ST6GALNAC5: variants seen among roughly 807,000 people sequenced by gnomAD.
ST6GALNAC5 encodes ST6 N-acetylgalactosaminide alpha-2,6-sialyltransferase 5, also known as alpha-N-acetylgalactosaminide alpha-2,6-sialyltransferase 5.
ST6GALNAC5 carries 27 observed loss-of-function variants against 33.6 expected under a neutral mutation model. The ratio of observed to expected loss-of-function variants is 0.80; its 90% confidence interval spans 0.59 to 1.11. ST6GALNAC5 has a LOEUF of 1.11. ST6GALNAC5 is among the 50% of genes least tolerant of loss of function. The pLI is 0.00. For missense variants in ST6GALNAC5, 428 were observed against 454.0 expected (o/e 0.94, Z 0.52); for synonymous variants, 194 against 171.2 (o/e 1.13, Z -1.04).
intron 2 of ST6GALNAC5, among the ~76,000 whole-genome samples, chr1:76,910,839 T>A (rs1218814815): frequency 6.6e-6 from 1 of 151,784 alleles, no homozygotes; most frequent in Non-Finnish European, 1.5e-5. Context: ...CTCCTCTGAC[T>A]ATACATTAGG....
chr1:77,002,474 T>C (rs1303385788), intron 2 of ST6GALNAC5, among the ~76,000 whole-genome samples: 2 of 152,148 alleles, frequency 1.3e-5, no homozygotes, highest in African/African-American at 4.8e-5. Context: ...GAACGGTTTT[T>C]TGTGTCTCTA....
chr1:77,030,402 C>T (rs1651408304), intron 2 of ST6GALNAC5, among the ~76,000 whole-genome samples: 1 of 152,182 alleles, frequency 6.6e-6, no homozygotes, highest in African/African-American at 2.4e-5. Flanking sequence ...ATCTCACAGG[C>T]TTACATTGGG....
intron 2 of ST6GALNAC5, among the ~76,000 whole-genome samples, chr1:76,968,029 G>A (rs557007978): frequency 5.3e-5 from 8 of 152,276 alleles, no homozygotes; most frequent in African/African-American, 1.2e-4. Context: ...GAATAAGTGC[G>A]ATGTGGTGCT....
At chr1:76,905,339 G>T (rs950215789) in intron 2 of ST6GALNAC5, among the ~76,000 whole-genome samples, 2 of 152,082 alleles carry the variant, frequency 1.3e-5, no homozygotes, top group Non-Finnish European at 2.9e-5. Context: ...TTATTGTCTT[G>T]GAAGCAAACT....
chr1:76,980,077 A>G (rs897632769), intron 2 of ST6GALNAC5, among the ~76,000 whole-genome samples: 1 of 152,152 alleles, frequency 6.6e-6, no homozygotes, highest in South Asian at 2.1e-4. Context: ...TAACTATTTT[A>G]TTTATTAATA....
intron 2 of ST6GALNAC5, among the ~76,000 whole-genome samples, chr1:77,017,976 G>A (rs79892091): frequency 0.034 from 5,234 of 152,232 alleles, 233 homozygotes; most frequent in African/African-American, 0.099. Flanking sequence ...TCAATTCACA[G>A]TCCATCTAGG....
chr1:77,038,913 G>A (rs1651745648), intron 2 of ST6GALNAC5, among the ~76,000 whole-genome samples: 1 of 152,196 alleles, frequency 6.6e-6, no homozygotes, highest in South Asian at 2.1e-4. Context: ...GGGCAGGGGT[G>A]ATGGAAGGAG....
At chr1:77,009,237 A>G (rs1260041003) in intron 2 of ST6GALNAC5, among the ~76,000 whole-genome samples, 1 of 152,160 alleles carries the variant, frequency 6.6e-6, no homozygotes, top group Non-Finnish European at 1.5e-5. Flanking sequence ...CAAGCTGTAA[A>G]TTGATTGAAT....
chr1:76,876,733 C>T (rs754097789), intron 2 of ST6GALNAC5, among the ~76,000 whole-genome samples: 1 of 152,210 alleles, frequency 6.6e-6, no homozygotes, highest in Non-Finnish European at 1.5e-5. Context: ...CCCTTCACTG[C>T]TGTCCTTCAG....
At chr1:76,904,246 G>A (rs1238373761) in intron 2 of ST6GALNAC5, among the ~76,000 whole-genome samples, 1 of 152,116 alleles carries the variant, frequency 6.6e-6, no homozygotes. Context: ...GGTCGGTAAG[G>A]GATCTGGTCT....
chr1:77,064,174 CA>C lies in ST6GALNAC5; in HGVS notation c.*971del, dbSNP rs1652697483. ...CCAGACAACCTCTTAGGTTTCATCCCAAATCTAAACTTGTGGCCTCTTCTTG... is the reference window on the plus strand; with the variant it reads ...CCAGACAACCTCTTAGGTTTCATCCCAATCTAAACTTGTGGCCTCTTCTTG... On this transcript the variant is annotated 3_prime_UTR_variant, in exon 5 of 5. Coordinates refer to ENST00000477717, the MANE Select transcript of ST6GALNAC5 (RefSeq NM_030965.3). The C allele has an allele frequency of 6.6e-6, 1 of 152,092 alleles. No homozygotes were observed. Among genetic ancestry groups the C allele is most frequent in the Non-Finnish European group, 1.5e-5 (1 of 68,032 alleles). The allele number at this position is 152,092 out of a possible 1,614,324, so 9.4% of individuals were successfully genotyped here. A position where few individuals can be genotyped will look rare whatever the true frequency, so the allele number is the denominator to read the frequency against.
intron 2 of ST6GALNAC5, among the ~76,000 whole-genome samples, chr1:76,974,209 T>A (rs1395573066): frequency 7.4e-6 from 1 of 135,394 alleles, no homozygotes; most frequent in Admixed American, 7.2e-5. Flanking sequence ...GCTTTTCACT[T>A]TTTTTTTTTT....
At chr1:77,031,191 G>A (rs1651438786) in intron 2 of ST6GALNAC5, among the ~76,000 whole-genome samples, 2 of 152,192 alleles carry the variant, frequency 1.3e-5, no homozygotes, top group Non-Finnish European at 2.9e-5. Flanking sequence ...AGTAGACGGT[G>A]CCTTTGTCAA....
At chr1:77,046,149 G>T (rs1025292552) in intron 3 of ST6GALNAC5, among the ~76,000 whole-genome samples, 2 of 152,186 alleles carry the variant, frequency 1.3e-5, no homozygotes, top group Non-Finnish European at 2.9e-5. Flanking sequence ...ACTTAGTGGT[G>T]CATGCCTATA....
chr1:76,879,053 G>T (rs541004193), intron 2 of ST6GALNAC5, among the ~76,000 whole-genome samples: 44 of 152,248 alleles, frequency 2.9e-4, no homozygotes, highest in African/African-American at 1.1e-3. Flanking sequence ...ATACAGAGAA[G>T]ACCAATTATA....
Position 77,067,179 on chromosome 1 carries a change from C to A in ST6GALNAC5, c.*3973C>A, listed in dbSNP as rs937974678. Reference sequence around the variant, plus strand: ...GCCCTGGGGGGCAGGATGTGTGAACCAATTGCCTAGGTGTTAGCACATGCC... The same window carrying A: ...GCCCTGGGGGGCAGGATGTGTGAACAAATTGCCTAGGTGTTAGCACATGCC... On this transcript the variant is annotated 3_prime_UTR_variant, in exon 5 of 5. Transcript: ENST00000477717. Among the ~76,000 whole-genome samples the A allele has an allele frequency of 2.0e-5, 3 of 152,112 alleles. No homozygotes were observed. Among genetic ancestry groups the A allele is most frequent in the Admixed American group, 6.6e-5 (1 of 15,266 alleles).
chr1:76,873,128 C>T (rs934562385), intron 2 of ST6GALNAC5, among the ~76,000 whole-genome samples: 8 of 152,106 alleles, frequency 5.3e-5, no homozygotes, highest in Admixed American at 2.0e-4. Context: ...GATCTGTGAA[C>T]ATTCATTCTG....
Position 76,868,425 on chromosome 1 carries a change from G to A in ST6GALNAC5, c.16-72G>A. ...CCACTAGAGTGACCACCGCACAGTTGTCCCCGCTGGGCGCGCTCCTCCGGT... is the reference window on the plus strand; with the variant it reads ...CCACTAGAGTGACCACCGCACAGTTATCCCCGCTGGGCGCGCTCCTCCGGT... On this transcript the variant is annotated intron_variant, in intron 1 of 4. Transcript: ENST00000477717. The surrounding 1 kb of genome is among the most constrained non-coding windows in gnomAD (Gnocchi z 4.3). 6.5e-7 allele frequency: 1 copy of A among 1,535,018 alleles called. No individual in the cohort carries two copies. Among genetic ancestry groups the A allele is most frequent in the South Asian group, 1.3e-5 (1 of 78,376 alleles).
At chr1:77,020,248 G>C (rs1006984393) in intron 2 of ST6GALNAC5, among the ~76,000 whole-genome samples, 1 of 152,184 alleles carries the variant, frequency 6.6e-6, no homozygotes, top group Non-Finnish European at 1.5e-5. Flanking sequence ...TAAGTGCCGA[G>C]AATGTGGTTC....
Sources: gnomAD v4.1 joint callset for allele counts (sites outside exome capture counted in the v4.1 genomes callset) on GRCh38, gnomAD v4.1.1 for gene constraint, Gnocchi (gnomAD v3.1) non-coding constraint, MANE v1.5 for transcripts, NCBI Gene and HGNC (gene_info 2026-07-23, HGNC 2026-07-21) for gene names.